The following MMP28 variants were observed in gnomAD, a reference collection of about 807,000 sequenced individuals.
MMP28 encodes matrix metallopeptidase 28.
Under a neutral mutation model 60.5 loss-of-function variants are expected in MMP28, and 55 were observed. That is an observed-to-expected ratio of 0.91 (90% CI 0.73 to 1.14). MMP28 has a LOEUF of 1.14. Ranked by LOEUF, MMP28 falls within the 50% of genes most tolerant of loss-of-function variation. MMP28 has a pLI of 0.00. For missense variants in MMP28, 686 were observed against 738.3 expected, an observed-to-expected ratio of 0.93 and a Z score of 0.82; for synonymous variants, 318 against 312.5, an observed-to-expected ratio of 1.02 and a Z score of -0.18.
chr17:35,779,880 G>A (rs80102737), intron 1 of MMP28, among the ~76,000 whole-genome samples: 3,126 of 152,078 alleles, frequency 0.021, 63 homozygotes, highest in East Asian at 0.11. Context: ...TGTGTTATGC[G>A]TTACGTGCAT....
intron 1 of MMP28, among the ~76,000 whole-genome samples, chr17:35,783,747 C>G (rs2086571290): frequency 6.6e-6 from 1 of 151,778 alleles, no homozygotes; most frequent in South Asian, 2.1e-4. Context: ...GCCTAGTACT[C>G]TGGCAGGCAA....
chr17:35,788,279 T>C (rs1045658716), intron 1 of MMP28, among the ~76,000 whole-genome samples: 39 of 152,180 alleles, frequency 2.6e-4, no homozygotes, highest in African/African-American at 8.0e-4. Context: ...GACCACATCT[T>C]GTACTCTTTC....
intron 2 of MMP28, chr17:35,758,370 G>C (rs1361334066): frequency 6.6e-6 from 1 of 152,212 alleles, no homozygotes; most frequent in Non-Finnish European, 1.5e-5. Context: ...TTTCAATGAA[G>C]ACTATACTAG....
At chr17:35,784,030 CA>C (rs1373592961) in intron 1 of MMP28, among the ~76,000 whole-genome samples, 2 of 151,996 alleles carry the variant, frequency 1.3e-5, no homozygotes, top group African/African-American at 2.4e-5. Context: ...CCTGTAATAC[CA>C]GCACTTTGGG....
intron 1 of MMP28, among the ~76,000 whole-genome samples, chr17:35,779,795 C>T (rs2086445852): frequency 6.6e-6 from 1 of 152,168 alleles, no homozygotes; most frequent in Admixed American, 6.5e-5. Flanking sequence ...GGACTAATCG[C>T]AAGAGTGTTT....
Position 35,795,281 on chromosome 17 carries a change from G to A in MMP28, c.97C>T (p.Arg33Cys). 6.9e-7 allele frequency: 1 copy of A among 1,447,488 alleles called. No individual in the cohort carries two copies. 89.7% of individuals were successfully genotyped at this position (1,447,488 alleles called of 1,614,324 possible). ...ACACGGCGTACCTCCGCCTCCTTGC[G>A]CAGCTCCTGGCCTCCGCGCTCCGCG... ...QPAERGGQEL[R>C]KEAEAFLEKY... Residue 33 changes from arginine (R) to cysteine (C), a missense_variant, in exon 1 of 8, where the codon CGC becomes TGC. Physicochemically the swap from Arg to Cys is radical, Grantham distance 180. Coordinates refer to ENST00000605424, the MANE Select transcript of MMP28 (RefSeq NM_024302.5).
intron 1 of MMP28, among the ~76,000 whole-genome samples, chr17:35,793,790 A>G (rs923156106): frequency 3.3e-5 from 5 of 152,214 alleles, no homozygotes; most frequent in African/African-American, 4.8e-5. Context: ...CATTGGGCTC[A>G]GTAATTCAGA....
Position 35,767,925 on chromosome 17 carries a change from C to T in MMP28, c.1001-6G>A, listed in dbSNP as rs758632501. 1.3e-6 allele frequency: 2 copies of T among 1,571,262 alleles called. No homozygotes were observed. The highest frequency in any genetic ancestry group is 4.5e-5 in the East Asian group (2 of 44,576). On this transcript the variant is annotated splice_polypyrimidine_tract_variant and splice_region_variant and intron_variant, in intron 6 of 7. Transcript: ENST00000605424. ...GTACAGTTGCTGTTGCCTGTCTGCC[C>T]AGAGACAAGAGAGAGTTGAGGAGTG...
intron 3 of MMP28, among the ~76,000 whole-genome samples, chr17:35,776,484 A>T (rs778169813): frequency 6.6e-6 from 1 of 152,138 alleles, no homozygotes; most frequent in South Asian, 2.1e-4. Context: ...CTGCCAGATA[A>T]GTTTCTTTTT....
At chr17:35,763,848 G>C (rs184248893), downstream of MMP28, 463 of 519,624 alleles carry the variant, frequency 8.9e-4, 4 homozygotes, top group African/African-American at 8.4e-3. Flanking sequence ...AGTGAGCAGA[G>C]ATCACGCCAC....
Position 35,795,591 on chromosome 17 carries a change from C to G in MMP28, c.-214G>C, listed in dbSNP as rs2086948963. 6 of 381,144 alleles carry G rather than the reference C, an allele frequency of 1.6e-5. No individual in the cohort carries two copies. The highest frequency in any genetic ancestry group is 4.6e-5 in the Admixed American group (1 of 21,898). The allele number at this position is 381,144 out of a possible 1,614,324, so 23.6% of individuals were successfully genotyped here. A position where few individuals can be genotyped will look rare whatever the true frequency, so the allele number is the denominator to read the frequency against. ...GGAGCCGGCCAGACGTCGTCCAGCC[C>G]GGGCAGTGCCTGCCCGCGGGTCCGC... On this transcript the variant is annotated 5_prime_UTR_variant, in exon 1 of 8. Coordinates refer to ENST00000605424, the MANE Select transcript of MMP28 (RefSeq NM_024302.5).
At chr17:35,764,698 G>T (rs1168308117), downstream of MMP28, 1 of 1,440,068 alleles carries the variant, frequency 6.9e-7, no homozygotes, top group African/African-American at 1.5e-5. Flanking sequence ...TTGGAGCGCG[G>T]AGCCCTCTTC....
chr17:35,776,602 T>C (rs2086338446), intron 3 of MMP28, among the ~76,000 whole-genome samples: 1 of 152,122 alleles, frequency 6.6e-6, no homozygotes, highest in South Asian at 2.1e-4. Context: ...AAAGAGATGC[T>C]CTGGCTGGGC....
intron 1 of MMP28, among the ~76,000 whole-genome samples, chr17:35,781,041 A>T (rs1283397787): frequency 1.3e-5 from 2 of 152,198 alleles, no homozygotes; most frequent in Non-Finnish European, 2.9e-5. Context: ...TGTTCCAGAC[A>T]GAGGAAACAG....
Position 35,768,174 on chromosome 17 carries a change from A to G in MMP28, c.1000+56T>C. On this transcript the variant is annotated intron_variant, in intron 6 of 7. Coordinates refer to ENST00000605424, the MANE Select transcript of MMP28 (RefSeq NM_024302.5). The stretch of plus-strand genomic sequence containing the variant: ...CCCAACTTGTACTGCAGCTCTGGAG[A>G]CACTAAGAGATATGGAAGGAGAGAA... 3.9e-6 allele frequency: 6 copies of G among 1,532,242 alleles called. No homozygotes were observed. In the South Asian group the frequency reaches 7.6e-5, roughly 19 times the overall value. 94.9% of individuals were successfully genotyped at this position (1,532,242 alleles called of 1,614,324 possible).
intron 3 of MMP28, among the ~76,000 whole-genome samples, chr17:35,774,252 C>CGGAA (rs1555606950): frequency 3.3e-5 from 5 of 152,164 alleles, no homozygotes. Flanking sequence ...GCAGCATGGC[C>CGGAA]GGAAGGGCCA....
chr17:35,766,847 G>A lies in MMP28; in HGVS notation c.1216C>T (p.Pro406Ser). 1 of 1,580,714 alleles carries A rather than the reference G, an allele frequency of 6.3e-7. No homozygotes were observed. The highest frequency in any genetic ancestry group is 1.2e-5 in the South Asian group (1 of 86,082). Reference protein sequence around the residue: ...FRGPKPVWGLPQLCRAGGLPR... With the variant: ...FRGPKPVWGLSQLCRAGGLPR... Reference sequence around the variant, plus strand: ...AGGCCCCCTGCCCGGCACAGCTGTGGGAGACCCCACACTGGCTTGGGGCCC... The same window carrying A: ...AGGCCCCCTGCCCGGCACAGCTGTGAGAGACCCCACACTGGCTTGGGGCCC... Residue 406 changes from proline (P) to serine (S), a missense_variant, in exon 8 of 8, where the codon CCA (proline) becomes TCA (serine). Physicochemically the swap from Pro to Ser is moderately conservative, Grantham distance 74. Transcript: ENST00000605424. This position sits in a 1 kb window ranked among gnomAD's most constrained non-coding sequence, Gnocchi z 4.3.
At chr17:35,775,768 C>G (rs1555607466) in intron 3 of MMP28, among the ~76,000 whole-genome samples, 1 of 152,198 alleles carries the variant, frequency 6.6e-6, no homozygotes, top group Non-Finnish European at 1.5e-5. Context: ...CCTTTTCCAC[C>G]CCGGATACAC....
Position 35,766,788 on chromosome 17 carries a change from A to T in MMP28, c.1275T>A (p.Pro425=). ...PRHPDAALFF[P]PLRRLILFKG... is the part of the protein sequence containing the mutation. ...TGAAGAGGATGAGGCGGCGCAGAGG[A>T]GGGAAGAAGAGGGCGGCGTCAGGAT... is the stretch of plus-strand genomic sequence containing the variant. The change falls in exon 8 of 8, where the codon CCT becomes CCA. Residue 425 remains proline (P), a synonymous_variant. Coordinates refer to ENST00000605424, the MANE Select transcript of MMP28 (RefSeq NM_024302.5). The surrounding 1 kb of genome is among the most constrained non-coding windows in gnomAD (Gnocchi z 4.3). The T allele has an allele frequency of 6.4e-7, 1 of 1,573,464 alleles. No homozygotes were observed. The highest frequency in any genetic ancestry group is 1.9e-5 in the Admixed American group (1 of 53,784).
Sources: allele counts gnomAD v4.1 joint callset (sites outside exome capture counted in the v4.1 genomes callset), GRCh38; gene constraint gnomAD v4.1.1; non-coding constraint Gnocchi (gnomAD v3.1); transcripts MANE v1.5; gene names NCBI Gene and HGNC (gene_info 2026-07-23, HGNC 2026-07-21).